KCNK10: variants seen among roughly 807,000 people sequenced by gnomAD.
KCNK10 encodes potassium channel subfamily K member 10.
KCNK10 carries 25 observed loss-of-function variants against 47.7 expected under a neutral mutation model. The ratio of observed to expected loss-of-function variants is 0.52; its 90% confidence interval spans 0.38 to 0.73. The LOEUF (loss-of-function observed/expected upper bound fraction) is 0.73, where lower values mean the gene tolerates loss of function less well. Ranked by LOEUF, KCNK10 falls within the 30% of genes least tolerant of loss-of-function variation. The pLI is 0.00. For missense variants in KCNK10, 563 were observed against 714.5 expected (o/e 0.79, Z 2.42); for synonymous variants, 303 against 285.6 (o/e 1.06, Z -0.61).
rs143924916 is a variant in KCNK10, at chr14:88,226,860, G to A, written c.681+515C>T. On this transcript the variant is annotated intron_variant, in intron 4 of 6. Transcript: ENST00000319231. ...ACATCAGGATGCCATTTCTGAGGGA[G>A]CACTCAGCAGTGAGAGATGGGAGAG... is the stretch of plus-strand genomic sequence containing the variant. Among the ~76,000 whole-genome samples the A allele has an allele frequency of 1.6e-3, 243 of 152,320 alleles. 3 individuals are homozygous for A. The highest frequency in any genetic ancestry group is 5.3e-3 in the African/African-American group (222 of 41,560).
intron 1 of KCNK10, 126 bp from the exon 2 acceptor site, chr14:88,263,677 T>C (rs1226052941): frequency 5.9e-6 from 5 of 846,732 alleles, no homozygotes; most frequent in Non-Finnish European, 7.1e-6. Context: ...GAAACGCTGG[T>C]TCACCAAGCC....
At chr14:88,245,263 G>A (rs1056750851) in intron 2 of KCNK10, among the ~76,000 whole-genome samples, 1 of 152,090 alleles carries the variant, frequency 6.6e-6, no homozygotes, top group African/African-American at 2.4e-5. Context: ...TTAAAAAGAG[G>A]TGGAGAGCTG....
intron 2 of KCNK10, among the ~76,000 whole-genome samples, chr14:88,247,709 C>A (rs948446086): frequency 3.3e-5 from 5 of 152,162 alleles, no homozygotes; most frequent in African/African-American, 1.2e-4. Context: ...CTTAGACACG[C>A]TAGCTTTCCT....
At position 88,184,568 on chromosome 14, in the gene KCNK10, G is replaced by A. The variant is rs1884477920; in HGVS notation, c.*967C>T. The A allele has an allele frequency of 6.6e-6, 1 of 152,280 alleles. No homozygotes were observed. Among genetic ancestry groups the A allele is most frequent in the Admixed American group, 6.5e-5 (1 of 15,278 alleles). The allele number at this position is 152,280 out of a possible 1,614,324, so 9.4% of individuals were successfully genotyped here. A position where few individuals can be genotyped will look rare whatever the true frequency, so the allele number is the denominator to read the frequency against. On this transcript the variant is annotated 3_prime_UTR_variant, in exon 7 of 7. Coordinates refer to ENST00000319231, the MANE Select transcript of KCNK10 (RefSeq NM_138317.3). ...TCCTCAGTGTGTCTCAGAAATGCAGGATGTCTACTTTTGTAAAAATGTAGG... is the reference window on the plus strand; with the variant it reads ...TCCTCAGTGTGTCTCAGAAATGCAGAATGTCTACTTTTGTAAAAATGTAGG...
chr14:88,266,997 C>T (rs1392857026), intron 1 of KCNK10, among the ~76,000 whole-genome samples: 1 of 152,194 alleles, frequency 6.6e-6, no homozygotes, highest in Non-Finnish European at 1.5e-5. Flanking sequence ...GAACAGAATC[C>T]ACCCATGCCT....
At chr14:88,296,528 C>A (rs1887987413) in intron 1 of KCNK10, among the ~76,000 whole-genome samples, 2 of 152,196 alleles carry the variant, frequency 1.3e-5, no homozygotes, top group Admixed American at 1.3e-4. Context: ...TGAGTCCTAT[C>A]TCCCATGCTG....
chr14:88,236,809 C>G (rs1886315068), intron 3 of KCNK10, among the ~76,000 whole-genome samples: 1 of 152,098 alleles, frequency 6.6e-6, no homozygotes, highest in African/African-American at 2.4e-5. Flanking sequence ...TACTTTATTA[C>G]CAAAAATTCT....
rs144490234 is a variant in KCNK10, at chr14:88,185,482, AACAC to A, written c.*49_*52del. Reference sequence around the variant, plus strand: ...CACATGTCTCAGTGTGAATATTAAAAACACACACACACACACACACAACGCTCAG... The same window carrying A: ...CACATGTCTCAGTGTGAATATTAAAAACACACACACACACACAACGCTCAG... On this transcript the variant is annotated 3_prime_UTR_variant, in exon 7 of 7. Coordinates refer to ENST00000319231, the MANE Select transcript of KCNK10 (RefSeq NM_138317.3). This position sits in a 1 kb window ranked among gnomAD's most constrained non-coding sequence, Gnocchi z 4.3. 81 of 1,420,730 alleles carry A rather than the reference AACAC, an allele frequency of 5.7e-5. 1 individual carries two copies. In the South Asian group the frequency reaches 6.3e-4, roughly 11 times the overall value. The allele number at this position is 1,420,730 out of a possible 1,614,324, so 88.0% of individuals were successfully genotyped here.
intron 1 of KCNK10, among the ~76,000 whole-genome samples, chr14:88,267,679 A>T (rs1308167777): frequency 6.6e-6 from 1 of 152,144 alleles, no homozygotes; most frequent in Non-Finnish European, 1.5e-5. Context: ...GCCAAGTTGG[A>T]TAAATTTTTA....
chr14:88,207,689 G>A (rs1328108201), intron 4 of KCNK10, among the ~76,000 whole-genome samples: 1 of 152,166 alleles, frequency 6.6e-6, no homozygotes, highest in Non-Finnish European at 1.5e-5. Flanking sequence ...CATCAAGTAT[G>A]GATTAAGTGC....
intron 4 of KCNK10, among the ~76,000 whole-genome samples, chr14:88,215,529 C>G (rs564702178): frequency 1.7e-3 from 255 of 152,278 alleles, no homozygotes; most frequent in African/African-American, 5.7e-3. Context: ...TGTGTGGGGA[C>G]ACAGCCAAAC....
upstream of KCNK10, among the ~76,000 whole-genome samples, chr14:88,325,731 G>A (rs188987570): frequency 6.6e-6 from 1 of 152,292 alleles, no homozygotes; most frequent in African/African-American, 2.4e-5. Context: ...TTGTGTTCTG[G>A]GGTCTGCATT....
chr14:88,207,211 C>T (rs368746044), intron 4 of KCNK10, among the ~76,000 whole-genome samples: 69 of 123,142 alleles, frequency 5.6e-4, no homozygotes, highest in South Asian at 1.9e-3. Context: ...CTCACTTTGT[C>T]GCCCAGGCCG....
intron 4 of KCNK10, among the ~76,000 whole-genome samples, chr14:88,226,648 C>T (rs973820958): frequency 1.3e-5 from 2 of 152,180 alleles, no homozygotes; most frequent in South Asian, 2.1e-4. Context: ...GCATTGGGAA[C>T]CCCGGTTTAA....
At chr14:88,310,095 G>T (rs1428201059) in intron 1 of KCNK10, among the ~76,000 whole-genome samples, 4 of 103,986 alleles carry the variant, frequency 3.8e-5, no homozygotes, top group African/African-American at 1.4e-4. Flanking sequence ...TTACCCTGAG[G>T]AACTACATTC....
chr14:88,323,907 C>T (rs962166044), upstream of KCNK10, among the ~76,000 whole-genome samples: 112 of 152,302 alleles, frequency 7.4e-4, no homozygotes, highest in Admixed American at 2.2e-3. Flanking sequence ...ACGTCCCCGC[C>T]GCACTCCAAG....
intron 1 of KCNK10, among the ~76,000 whole-genome samples, chr14:88,271,457 AAG>A (rs1887403457): frequency 6.6e-6 from 1 of 152,168 alleles, no homozygotes; most frequent in Non-Finnish European, 1.5e-5. Flanking sequence ...AAACAGTCCA[AAG>A]AGAGTTCTTC....
chr14:88,198,266 T>C (rs1412531640), intron 4 of KCNK10, among the ~76,000 whole-genome samples: 1 of 152,156 alleles, frequency 6.6e-6, no homozygotes, highest in South Asian at 2.1e-4. Context: ...AGAAGGGTCC[T>C]TCTCTTTGGT....
At position 88,323,261 on chromosome 14, in the gene KCNK10, C is replaced by G; in HGVS notation, c.-463G>C. ...ACACACCCGCACACACACTCCCGGG[C>G]GCGCGCTTGGGCGGGCACGTCAGCC... On this transcript the variant is annotated 5_prime_UTR_variant, in exon 1 of 7. Coordinates refer to ENST00000319231, the MANE Select transcript of KCNK10 (RefSeq NM_138317.3). 1 of 986,622 alleles carries G rather than the reference C, an allele frequency of 1.0e-6. No homozygotes were observed. Among genetic ancestry groups the G allele is most frequent in the Non-Finnish European group, 1.2e-6 (1 of 830,958 alleles). 61.1% of individuals were successfully genotyped at this position (986,622 alleles called of 1,614,324 possible).
Sources: allele counts gnomAD v4.1 joint callset (sites outside exome capture counted in the v4.1 genomes callset), GRCh38; gene constraint gnomAD v4.1.1; non-coding constraint Gnocchi (gnomAD v3.1); transcripts MANE v1.5; gene names NCBI Gene and HGNC (gene_info 2026-07-23, HGNC 2026-07-21).